KRT80: variants seen among roughly 807,000 people sequenced by gnomAD.
KRT80 encodes the protein keratin 80.
In KRT80, 36 loss-of-function variants were observed where a neutral mutation model predicts 51.5. The observed-to-expected ratio is 0.70, with a 90% confidence interval of 0.54 to 0.92. The LOEUF is 0.92. Ranked by LOEUF, KRT80 falls within the 40% of genes least tolerant of loss-of-function variation. The pLI is 0.00. For synonymous variants in KRT80, 235 were observed against 248.3 expected (o/e 0.95, Z 0.50); for missense variants, 566 against 591.7 (o/e 0.96, Z 0.45).
chr12:52,190,284 T>C (rs577702289), intron 1 of KRT80, among the ~76,000 whole-genome samples: 1 of 152,318 alleles, frequency 6.6e-6, no homozygotes, highest in African/African-American at 2.4e-5. Flanking sequence ...AAATCCAGAC[T>C]ACCATTTGCT....
At chr12:52,185,317 C>T (rs1941385767) in intron 2 of KRT80, 62 bp downstream of exon 2, 2 of 1,499,436 alleles carry the variant, frequency 1.3e-6, no homozygotes, top group Admixed American at 1.9e-5. Flanking sequence ...TGCCTCCCAT[C>T]TGAGCACAGC....
intron 2 of KRT80, among the ~76,000 whole-genome samples, chr12:52,183,876 C>G (rs913109721): frequency 2.0e-5 from 3 of 152,040 alleles, no homozygotes; most frequent in Non-Finnish European, 4.4e-5. Flanking sequence ...ATCCAGGGCT[C>G]CCTCTGGCTC....
chr12:52,182,493 G>A (rs1941340813), intron 2 of KRT80, among the ~76,000 whole-genome samples: 1 of 152,196 alleles, frequency 6.6e-6, no homozygotes, highest in African/African-American at 2.4e-5. Flanking sequence ...GTGTGCCTCA[G>A]CCACGATTAT....
intron 4 of KRT80, among the ~76,000 whole-genome samples, chr12:52,175,814 T>C (rs1941208671): frequency 6.6e-6 from 1 of 152,164 alleles, no homozygotes; most frequent in East Asian, 1.9e-4. Flanking sequence ...CAGAATAAGA[T>C]TGATTGTTAC....
intron 2 of KRT80, among the ~76,000 whole-genome samples, chr12:52,184,258 C>T (rs1399538860): frequency 1.3e-5 from 2 of 152,172 alleles, no homozygotes; most frequent in Non-Finnish European, 2.9e-5. Context: ...CCTGTCCTCC[C>T]CTCACGCTGG....
chr12:52,188,427 C>T (rs1220474757), intron 1 of KRT80, among the ~76,000 whole-genome samples: 1 of 152,200 alleles, frequency 6.6e-6, no homozygotes, highest in Non-Finnish European at 1.5e-5. Context: ...ACTGGAACTC[C>T]TGGAGGGAGA....
At chr12:52,184,250 T>C (rs1393500527) in intron 2 of KRT80, among the ~76,000 whole-genome samples, 1 of 152,142 alleles carries the variant, frequency 6.6e-6, no homozygotes, top group Non-Finnish European at 1.5e-5. Flanking sequence ...CAGCCTGCCC[T>C]GTCCTCCCCT....
chr12:52,176,274 C>A (rs891054242), intron 4 of KRT80, among the ~76,000 whole-genome samples: 1 of 152,162 alleles, frequency 6.6e-6, no homozygotes, highest in Admixed American at 6.5e-5. Context: ...GATGGGACCC[C>A]TGGAGAGCAC....
chr12:52,184,304 A>G (rs1224876223), intron 2 of KRT80, among the ~76,000 whole-genome samples: 2 of 152,120 alleles, frequency 1.3e-5, no homozygotes, highest in Non-Finnish European at 2.9e-5. Context: ...AGACCCAAGG[A>G]GGTCGGTGCA....
intron 1 of KRT80, among the ~76,000 whole-genome samples, chr12:52,187,907 C>T (rs1484934342): frequency 2.0e-5 from 3 of 152,188 alleles, no homozygotes; most frequent in Admixed American, 2.0e-4. Context: ...AATCTTCACA[C>T]CAGGAAGTTC....
rs1328695175 is a variant in KRT80 at position 52,169,822 on chromosome 12, G to A, written c.*1576C>T. The A allele has an allele frequency of 6.6e-6, 1 of 152,270 alleles. No individual in the cohort carries two copies. The highest frequency in any genetic ancestry group is 1.5e-5 in the Non-Finnish European group (1 of 68,058). The allele number at this position is 152,270 out of a possible 1,614,324, so 9.4% of individuals were successfully genotyped here. A position where few individuals can be genotyped will look rare whatever the true frequency, so the allele number is the denominator to read the frequency against. ...CACCCTCTTTTGGGACTTTGGGGATGAGAATCTCTGAGTTCCCATGGCCAG... is the reference window on the plus strand; with the variant it reads ...CACCCTCTTTTGGGACTTTGGGGATAAGAATCTCTGAGTTCCCATGGCCAG... On this transcript the variant is annotated 3_prime_UTR_variant, in exon 9 of 9. Coordinates refer to ENST00000394815, the MANE Select transcript of KRT80 (RefSeq NM_182507.3).
chr12:52,173,643 G>C lies in KRT80; in HGVS notation c.788C>G (p.Ala263Gly). 1 of 1,613,084 alleles carries C rather than the reference G, an allele frequency of 6.2e-7. No homozygotes were observed. Among genetic ancestry groups the C allele is most frequent in the Non-Finnish European group, 8.5e-7 (1 of 1,180,020 alleles). The change falls in exon 5 of 9, where the codon GCG (alanine) becomes GGG (glycine). Residue 263 changes from alanine (A) to glycine (G), a missense_variant. By Grantham distance (60) the Ala-to-Gly change is moderately conservative. Transcript: ENST00000394815. ...EEVKAQYDAV[A>G]ARSLEEAEAY... is the part of the protein sequence containing the mutation. ...CTCGGCCTCCTCCAGGCTGCGAGCCGCGACGGCGTCATACTGGGCCTTCAC... is the reference window on the plus strand; with the variant it reads ...CTCGGCCTCCTCCAGGCTGCGAGCCCCGACGGCGTCATACTGGGCCTTCAC...
intron 4 of KRT80, among the ~76,000 whole-genome samples, chr12:52,175,216 C>CT (rs1392578035): frequency 2.6e-5 from 4 of 152,192 alleles, no homozygotes; most frequent in East Asian, 1.9e-4. Context: ...CCATTTCTCT[C>CT]TTTTTTGTTC....
chr12:52,181,232 C>T (rs1010233529), intron 2 of KRT80, among the ~76,000 whole-genome samples: 4 of 152,142 alleles, frequency 2.6e-5, no homozygotes, highest in Admixed American at 2.0e-4. Context: ...GGCTCTGCTC[C>T]ACACCCACTC....
intron 2 of KRT80, among the ~76,000 whole-genome samples, chr12:52,183,807 G>A (rs75354689): frequency 2.7e-4 from 41 of 152,348 alleles, no homozygotes; most frequent in African/African-American, 9.9e-4. Flanking sequence ...ATGCAAGGCT[G>A]TGTAACTGAG....
intron 1 of KRT80, 35 bp downstream of exon 1, chr12:52,191,568 G>A: frequency 1.3e-6 from 2 of 1,529,856 alleles, no homozygotes; most frequent in Non-Finnish European, 1.8e-6. Flanking sequence ...AGGCCTGGCA[G>A]CCCTTCATGT....
chr12:52,189,196 C>T (rs1941446682), intron 1 of KRT80, among the ~76,000 whole-genome samples: 1 of 152,042 alleles, frequency 6.6e-6, no homozygotes, highest in East Asian at 1.9e-4. Context: ...TGGCGTCTCA[C>T]CCCTGGGCCT....
chr12:52,173,029 GAT>G lies in KRT80; in HGVS notation c.957+7_957+8del. 6.2e-7 allele frequency: 1 copy of G among 1,601,942 alleles called. No individual in the cohort carries two copies. Among genetic ancestry groups the G allele is most frequent in the Non-Finnish European group, 8.5e-7 (1 of 1,171,380 alleles). On this transcript the variant is annotated splice_region_variant and intron_variant, in intron 6 of 8. Transcript: ENST00000394815. ...TCCCCGCCCCCAGGCGCGTCCCCCAGATACTCACATGGCTCTTGACAGAGAGG... is the reference window on the plus strand; with the variant it reads ...TCCCCGCCCCCAGGCGCGTCCCCCAGACTCACATGGCTCTTGACAGAGAGG...
rs188791856 is a variant in KRT80 at position 52,182,105 on chromosome 12, G to A, written c.510-1142C>T. ...TGGGTTTCTGGTCTCAGTGTACCAG[G>A]GGCCCACACCCTCCCTGGCCACTGC... On this transcript the variant is annotated intron_variant, in intron 2 of 8. Transcript: ENST00000394815. Among the ~76,000 whole-genome samples, 7 of 152,306 alleles carry A rather than the reference G, an allele frequency of 4.6e-5. No homozygotes were observed. In the East Asian group the frequency reaches 1.3e-3, roughly 29 times the overall value.
Sources: gnomAD v4.1 joint callset for allele counts (sites outside exome capture counted in the v4.1 genomes callset) on GRCh38, gnomAD v4.1.1 for gene constraint, MANE v1.5 for transcripts, NCBI Gene and HGNC (gene_info 2026-07-23, HGNC 2026-07-21) for gene names.